SLC2A13: variants seen among roughly 807,000 people sequenced by gnomAD.
SLC2A13 encodes the protein solute carrier family 2 member 13.
Under a neutral mutation model 64.4 loss-of-function variants are expected in SLC2A13, and 32 were observed. That is an observed-to-expected ratio of 0.50 (90% CI 0.37 to 0.67). The LOEUF (loss-of-function observed/expected upper bound fraction) is 0.67. Among genes scored for constraint, SLC2A13 ranks in the 30% least tolerant of loss-of-function variants. The probability of loss-of-function intolerance (pLI) is 0.00; values close to 1 mark genes in which losing one functional copy is unlikely to be tolerated. For missense variants in SLC2A13, 743 were observed against 829.2 expected (o/e 0.90, Z 1.28); for synonymous variants, 338 against 327.1 (o/e 1.03, Z -0.36).
In SLC2A13 at chr12:39,862,141, G is replaced by T. The variant is rs140329074; in HGVS notation, c.1319+2621C>A. ...TTTAATACATTCAGTCCAGAGAATT[G>T]AATCAGGCCTTGGAAAATACATTAT... is the stretch of plus-strand genomic sequence containing the variant. On this transcript the variant is annotated intron_variant, in intron 6 of 9. Coordinates refer to ENST00000280871, the MANE Select transcript of SLC2A13 (RefSeq NM_052885.4). Among the ~76,000 whole-genome samples, 839 of 152,230 alleles carry T rather than the reference G, an allele frequency of 5.5e-3. 5 individuals are homozygous for T. The highest frequency in any genetic ancestry group is 7.9e-3 in the Non-Finnish European group (537 of 68,006).
chr12:39,793,484 G>A (rs1269409362), intron 7 of SLC2A13, among the ~76,000 whole-genome samples: 3 of 152,138 alleles, frequency 2.0e-5, no homozygotes, highest in African/African-American at 7.2e-5. Flanking sequence ...TGCAAAGGAT[G>A]TAAATAACCA....
chr12:40,062,620 A>C (rs538904108), intron 1 of SLC2A13, among the ~76,000 whole-genome samples: 2 of 152,160 alleles, frequency 1.3e-5, no homozygotes, highest in Non-Finnish European at 2.9e-5. Context: ...ACTGCATTGT[A>C]TAAGCTTCCA....
chr12:40,105,164 G>A lies in SLC2A13; in HGVS notation c.556+89C>T. 7.0e-7 allele frequency: 1 copy of A among 1,422,494 alleles called. No individual in the cohort carries two copies. Among genetic ancestry groups the A allele is most frequent in the Non-Finnish European group, 9.1e-7 (1 of 1,094,538 alleles). 88.1% of individuals were successfully genotyped at this position (1,422,494 alleles called of 1,614,324 possible). A position where few individuals can be genotyped will look rare whatever the true frequency, so the allele number is the denominator to read the frequency against. On this transcript the variant is annotated intron_variant, in intron 1 of 9. Coordinates refer to ENST00000280871, the MANE Select transcript of SLC2A13 (RefSeq NM_052885.4). The surrounding 1 kb of genome is among the most constrained non-coding windows in gnomAD (Gnocchi z 4.2). ...TCTCTGACCCTGGGAGACCAGACGG[G>A]GACCCCGATGGGCAAGAGGCACGCA...
rs1940045819 is a variant in SLC2A13, at chr12:39,759,058, G to C, written c.*968C>G. 1 of 152,358 alleles carries C rather than the reference G, an allele frequency of 6.6e-6. No individual in the cohort carries two copies. Among genetic ancestry groups the C allele is most frequent in the South Asian group, 2.1e-4 (1 of 4,834 alleles). 9.4% of individuals were successfully genotyped at this position (152,358 alleles called of 1,614,324 possible). On this transcript the variant is annotated 3_prime_UTR_variant, in exon 10 of 10. Transcript: ENST00000280871. The stretch of plus-strand genomic sequence containing the variant: ...TTTGAATAAAAGAAAGGGGAAAAAT[G>C]GTTTGCTTGCAGCTATGTATGTAAC...
chr12:39,996,662 A>C (rs549590119), intron 3 of SLC2A13, among the ~76,000 whole-genome samples: 38 of 152,216 alleles, frequency 2.5e-4, no homozygotes, highest in Non-Finnish European at 3.7e-4. Context: ...CATGGCTGGA[A>C]GGGGCCAACA....
rs563104763 is a variant in SLC2A13, at chr12:40,068,633, C to T, written c.557-20423G>A. 23 of 157,328 alleles carry T rather than the reference C, an allele frequency of 1.5e-4. No homozygotes were observed. In the South Asian group the frequency reaches 2.6e-3, roughly 18 times the overall value. The allele number at this position is 157,328 out of a possible 1,614,324, so 9.7% of individuals were successfully genotyped here. ...CAGATGGCCCCCAACCAAGAACAGC[C>T]GCCAAGATGGCCAGGGAATGAGAAA... On this transcript the variant is annotated intron_variant, in intron 1 of 9. Coordinates refer to ENST00000280871, the MANE Select transcript of SLC2A13 (RefSeq NM_052885.4).
At chr12:40,010,814 C>G (rs1947518365) in intron 3 of SLC2A13, among the ~76,000 whole-genome samples, 1 of 152,098 alleles carries the variant, frequency 6.6e-6, no homozygotes, top group Non-Finnish European at 1.5e-5. Flanking sequence ...TAGAAACAAA[C>G]CTAAATGACT....
intron 2 of SLC2A13, among the ~76,000 whole-genome samples, chr12:40,032,633 T>C (rs1315258206): frequency 6.6e-6 from 1 of 152,212 alleles, no homozygotes; most frequent in Non-Finnish European, 1.5e-5. Context: ...CCAGACCTCC[T>C]GCTATGGCTC....
Position 39,909,408 on chromosome 12 carries a change from A to G in SLC2A13, c.1035-37447T>C. Among the ~76,000 whole-genome samples the G allele has an allele frequency of 1.3e-5, 2 of 152,116 alleles. 1 individual carries two copies. Among genetic ancestry groups the G allele is most frequent in the Non-Finnish European group, 2.9e-5 (2 of 68,036 alleles). ...ATTTGTCAATAAGGTGGAAAAAAAA[A>G]TCGCCATTCAATTTTTCTGGATTTG... On this transcript the variant is annotated intron_variant, in intron 4 of 9. Transcript: ENST00000280871.
chr12:39,925,224 G>A (rs73092232), intron 4 of SLC2A13, among the ~76,000 whole-genome samples: 1 of 151,754 alleles, frequency 6.6e-6, no homozygotes, highest in Non-Finnish European at 1.5e-5. Flanking sequence ...CTGTAGAGAC[G>A]GGGTTTCACC....
At chr12:40,052,735 G>C (rs191272253) in intron 1 of SLC2A13, among the ~76,000 whole-genome samples, 1 of 152,170 alleles carries the variant, frequency 6.6e-6, no homozygotes, top group Admixed American at 6.5e-5. Flanking sequence ...GGGCTTGGGA[G>C]TTACACAACT....
At chr12:39,808,944 T>G (rs951378740) in intron 7 of SLC2A13, among the ~76,000 whole-genome samples, 3 of 152,150 alleles carry the variant, frequency 2.0e-5, no homozygotes, top group African/African-American at 7.2e-5. Flanking sequence ...CAATTTTTTC[T>G]TTTGTTGTGT....
At chr12:39,902,195 G>A (rs927788587) in intron 4 of SLC2A13, among the ~76,000 whole-genome samples, 3 of 132,864 alleles carry the variant, frequency 2.3e-5, no homozygotes, top group African/African-American at 8.3e-5. Flanking sequence ...ACTGTTGTGG[G>A]GTGGGGTGGG....
intron 7 of SLC2A13, among the ~76,000 whole-genome samples, chr12:39,791,121 C>A (rs1241286938): frequency 6.6e-6 from 1 of 151,254 alleles, no homozygotes; most frequent in Non-Finnish European, 1.5e-5. Context: ...TGGATATTAG[C>A]CCTTTGTCAG....
chr12:39,757,784 C>G lies in SLC2A13; in HGVS notation c.*2242G>C, dbSNP rs187610335. The G allele has an allele frequency of 3.3e-5, 5 of 152,246 alleles. No individual in the cohort carries two copies. In the Admixed American group the frequency reaches 3.3e-4, roughly 10 times the overall value. The allele number at this position is 152,246 out of a possible 1,614,324, so 9.4% of individuals were successfully genotyped here. A position where few individuals can be genotyped will look rare whatever the true frequency, so the allele number is the denominator to read the frequency against. Reference sequence around the variant, plus strand: ...GGCCATGTTCTGCTTTAGGAAATAACAAGAGTCCAGTTTCTCCTTTAATAA... The same window carrying G: ...GGCCATGTTCTGCTTTAGGAAATAAGAAGAGTCCAGTTTCTCCTTTAATAA... On this transcript the variant is annotated 3_prime_UTR_variant, in exon 10 of 10. Transcript: ENST00000280871.
At chr12:39,770,502 A>G (rs967945951) in intron 7 of SLC2A13, among the ~76,000 whole-genome samples, 2 of 152,184 alleles carry the variant, frequency 1.3e-5, no homozygotes, top group Non-Finnish European at 1.5e-5. Context: ...TGAACAAAAT[A>G]CCAACCAGTG....
intron 4 of SLC2A13, among the ~76,000 whole-genome samples, chr12:39,918,422 G>C (rs1300789448): frequency 6.7e-6 from 1 of 150,374 alleles, no homozygotes; most frequent in Non-Finnish European, 1.5e-5. Context: ...TCAGGCAAGA[G>C]ATCCAGGGAA....
intron 7 of SLC2A13, among the ~76,000 whole-genome samples, chr12:39,824,193 A>C (rs1347046628): frequency 6.6e-6 from 1 of 152,226 alleles, no homozygotes; most frequent in Non-Finnish European, 1.5e-5. Context: ...TATCATATAA[A>C]CTATACAGGT....
chr12:39,869,863 G>T (rs1284279822), intron 5 of SLC2A13, among the ~76,000 whole-genome samples: 2 of 152,212 alleles, frequency 1.3e-5, no homozygotes, highest in Non-Finnish European at 2.9e-5. Context: ...AAAATGCTCA[G>T]AGCCCTTTAC....
Sources: allele counts gnomAD v4.1 joint callset (sites outside exome capture counted in the v4.1 genomes callset), GRCh38; gene constraint gnomAD v4.1.1; non-coding constraint Gnocchi (gnomAD v3.1); transcripts MANE v1.5; gene names NCBI Gene and HGNC (gene_info 2026-07-23, HGNC 2026-07-21).